ACSL3: variants seen among roughly 807,000 people sequenced by gnomAD.
ACSL3 encodes the protein acyl-CoA synthetase long chain family member 3.
In ACSL3, 34 loss-of-function variants were observed where a neutral mutation model predicts 84.7. The observed-to-expected ratio is 0.40, with a 90% CI of 0.31 to 0.53. The LOEUF is 0.53. Among genes scored for constraint, ACSL3 ranks in the 20% least tolerant of loss-of-function variants. The pLI is 0.48. For synonymous variants in ACSL3, 315 were observed against 299.4 expected, an observed-to-expected ratio of 1.05 and a Z score of -0.54; for missense variants, 680 against 873.1, an observed-to-expected ratio of 0.78 and a Z score of 2.79.
intron 1 of ACSL3, among the ~76,000 whole-genome samples, chr2:222,880,541 A>G (rs189337979): frequency 6.6e-6 from 1 of 152,164 alleles, no homozygotes; most frequent in African/African-American, 2.4e-5. Flanking sequence ...AAAACTGTCA[A>G]TTTTTGGCCG....
intron 1 of ACSL3, among the ~76,000 whole-genome samples, chr2:222,872,821 AG>A (rs1200857807): frequency 6.6e-6 from 1 of 151,770 alleles, no homozygotes; most frequent in African/African-American, 2.4e-5. Flanking sequence ...GCCGCTTTCT[AG>A]GCAGAGGCTT....
At chr2:222,865,825 T>TAC (rs555601293) in intron 1 of ACSL3, among the ~76,000 whole-genome samples, 1 of 148,954 alleles carries the variant, frequency 6.7e-6, no homozygotes, top group Non-Finnish European at 1.5e-5. Context: ...TGTGTGTGTG[T>TAC]ACACAGATGT....
chr2:222,914,549 A>G (rs1696527225), intron 4 of ACSL3, among the ~76,000 whole-genome samples: 1 of 152,190 alleles, frequency 6.6e-6, no homozygotes, highest in African/African-American at 2.4e-5. Flanking sequence ...GGCATGAGCC[A>G]GTGCACCTGC....
In ACSL3 at chr2:222,874,812, A is replaced by G. The variant is rs1054927462; in HGVS notation, c.-206-13018A>G. Among the ~76,000 whole-genome samples, 52 of 152,272 alleles carry G rather than the reference A, an allele frequency of 3.4e-4. 1 individual carries two copies. Among genetic ancestry groups the G allele is most frequent in the African/African-American group, 1.2e-3 (51 of 41,570 alleles). On this transcript the variant is annotated intron_variant, in intron 1 of 16. Coordinates refer to ENST00000357430, the MANE Select transcript of ACSL3 (RefSeq NM_004457.5). ...GATTTGGAGAAAGAATAGAAATTTT[A>G]TAGATTTACAGTTTTTAAATTACAT...
At chr2:222,876,133 G>C (rs1254376355) in intron 1 of ACSL3, among the ~76,000 whole-genome samples, 1 of 152,156 alleles carries the variant, frequency 6.6e-6, no homozygotes, top group East Asian at 1.9e-4. Flanking sequence ...CTAGAGTTTG[G>C]ACTGTTTCAC....
intron 13 of ACSL3, among the ~76,000 whole-genome samples, chr2:222,929,331 G>C (rs59973239): frequency 1.3e-5 from 2 of 151,614 alleles, no homozygotes; most frequent in Admixed American, 6.6e-5. Flanking sequence ...CTTCAACCTT[G>C]TATTATTAGA....
At chr2:222,934,871 C>A (rs1217824445) in intron 16 of ACSL3, among the ~76,000 whole-genome samples, 184 bp downstream of exon 16, 1 of 152,222 alleles carries the variant, frequency 6.6e-6, no homozygotes, top group East Asian at 1.9e-4. Context: ...TAACCACTCC[C>A]ACCAAACTGA....
At chr2:222,878,902 GTGTCTAC>G (rs1695522725) in intron 1 of ACSL3, among the ~76,000 whole-genome samples, 1 of 152,146 alleles carries the variant, frequency 6.6e-6, no homozygotes, top group Non-Finnish European at 1.5e-5. Context: ...TGTTTCTTCT[GTGTCTAC>G]TGCCTTAAAT....
intron 10 of ACSL3, 27 bp from the exon 11 acceptor site, chr2:222,924,429 A>C (rs962945443): frequency 6.4e-7 from 1 of 1,558,960 alleles, no homozygotes; most frequent in Non-Finnish European, 8.7e-7. Flanking sequence ...ATTATTAACT[A>C]TGTTAAACTC....
At chr2:222,871,722 G>C (rs576084386) in intron 1 of ACSL3, among the ~76,000 whole-genome samples, 7 of 152,274 alleles carry the variant, frequency 4.6e-5, no homozygotes, top group Admixed American at 3.9e-4. Context: ...GCTTTCAGGG[G>C]ACAAGAGAAG....
At chr2:222,927,539 T>C (rs1696914784) in intron 12 of ACSL3, among the ~76,000 whole-genome samples, 1 of 152,224 alleles carries the variant, frequency 6.6e-6, no homozygotes, top group African/African-American at 2.4e-5. Context: ...AAGGTGCTTT[T>C]GTTTATTTGT....
intron 1 of ACSL3, among the ~76,000 whole-genome samples, chr2:222,866,542 C>T (rs372987261): frequency 6.6e-6 from 1 of 152,184 alleles, no homozygotes; most frequent in South Asian, 2.1e-4. Context: ...TAAATGTGTG[C>T]TGGATTTCAT....
At position 222,919,211 on chromosome 2, in the gene ACSL3, C is replaced by T; in HGVS notation, c.805+9C>T. 1 of 1,613,544 alleles carries T rather than the reference C, an allele frequency of 6.2e-7. No individual in the cohort carries two copies. On this transcript the variant is annotated intron_variant, in intron 7 of 16. Transcript: ENST00000357430. ...AGCCAAGGCCAGCATGGGTATGTTA[C>T]ACTTTTCTAATTCCTTACCTGTGCT...
chr2:222,880,846 CA>C (rs987596069), intron 1 of ACSL3, among the ~76,000 whole-genome samples: 2 of 142,696 alleles, frequency 1.4e-5, no homozygotes, highest in African/African-American at 2.6e-5. Flanking sequence ...AAAAAAAAAA[CA>C]AAAAAAAACC....
intron 1 of ACSL3, 149 bp from the exon 2 acceptor site, chr2:222,887,681 G>C (rs532639953): frequency 6.6e-6 from 1 of 152,166 alleles, no homozygotes; most frequent in Non-Finnish European, 1.5e-5. Context: ...GTTTGCTAGC[G>C]TGATAGGTTG....
intron 4 of ACSL3, among the ~76,000 whole-genome samples, chr2:222,912,987 A>G (rs1448940244): frequency 6.6e-6 from 1 of 152,236 alleles, no homozygotes; most frequent in Non-Finnish European, 1.5e-5. Context: ...AAATGATTTC[A>G]GGACAACCTT....
intron 1 of ACSL3, among the ~76,000 whole-genome samples, chr2:222,885,991 T>C (rs1574526665): frequency 6.6e-6 from 1 of 152,024 alleles, no homozygotes; most frequent in East Asian, 1.9e-4. Context: ...GATCCACCCG[T>C]GTCAGCCTCC....
At chr2:222,916,047 C>G (rs1422728138) in intron 4 of ACSL3, among the ~76,000 whole-genome samples, 1 of 152,068 alleles carries the variant, frequency 6.6e-6, no homozygotes, top group Non-Finnish European at 1.5e-5. Flanking sequence ...CTTTACGAGC[C>G]TATCAAACTC....
chr2:222,880,691 G>A (rs749457818), intron 1 of ACSL3, among the ~76,000 whole-genome samples: 63 of 151,796 alleles, frequency 4.2e-4, no homozygotes, highest in Non-Finnish European at 7.1e-4. Context: ...TTAGCCAGGC[G>A]TGGTGGTGGG....
Sources: gnomAD v4.1 joint callset for allele counts (sites outside exome capture counted in the v4.1 genomes callset) on GRCh38, gnomAD v4.1.1 for gene constraint, MANE v1.5 for transcripts, NCBI Gene and HGNC (gene_info 2026-07-23, HGNC 2026-07-21) for gene names.